The following ATXN1 variants were observed in gnomAD, a reference collection of about 807,000 sequenced individuals.
ATXN1 encodes ataxin 1, also known as ataxin-1.
In ATXN1, 8 loss-of-function variants were observed where a neutral mutation model predicts 56.4. The observed-to-expected ratio is 0.14, with a 90% CI of 0.08 to 0.26. The LOEUF is 0.26. Among genes scored for constraint, ATXN1 ranks in the 10% least tolerant of loss-of-function variants. ATXN1 has a pLI of 1.00. For synonymous variants in ATXN1, 514 were observed against 494.6 expected (o/e 1.04, Z -0.52); for missense variants, 987 against 1,106.5 (o/e 0.89, Z 1.53).
intron 6 of ATXN1, among the ~76,000 whole-genome samples, chr6:16,445,480 C>T (rs1031513834): frequency 1.3e-5 from 2 of 151,830 alleles, no homozygotes; most frequent in Non-Finnish European, 2.9e-5. Flanking sequence ...CATTTACCAC[C>T]TCTCTGCTTT....
chr6:16,626,325 G>A (rs1277773602), intron 3 of ATXN1, among the ~76,000 whole-genome samples: 1 of 151,982 alleles, frequency 6.6e-6, no homozygotes, highest in East Asian at 1.9e-4. Context: ...TTCCTCTGTT[G>A]CCCAGGCTGG....
At chr6:16,744,269 G>C (rs648411) in intron 2 of ATXN1, among the ~76,000 whole-genome samples, 84,118 of 151,968 alleles carry the variant, frequency 0.55, 23,488 homozygotes, top group African/African-American at 0.61. Context: ...CAACAGGAAA[G>C]GAATCAGGGT....
intron 6 of ATXN1, among the ~76,000 whole-genome samples, chr6:16,407,239 C>T (rs1474225290): frequency 6.6e-6 from 1 of 152,188 alleles, no homozygotes; most frequent in East Asian, 1.9e-4. Context: ...ATCTTAAAGT[C>T]TTAACTTCAT....
intron 2 of ATXN1, among the ~76,000 whole-genome samples, chr6:16,716,402 T>G (rs536807889): frequency 6.6e-6 from 1 of 152,334 alleles, no homozygotes; most frequent in African/African-American, 2.4e-5. Context: ...ACCAGAAAAC[T>G]CACAACGTCC....
chr6:16,505,986 T>G (rs1760976324), intron 5 of ATXN1, among the ~76,000 whole-genome samples: 1 of 152,184 alleles, frequency 6.6e-6, no homozygotes, highest in Admixed American at 6.5e-5. Flanking sequence ...ATCCTCTTTT[T>G]GTGATTCTCC....
At chr6:16,392,027 A>C (rs989044437) in intron 6 of ATXN1, among the ~76,000 whole-genome samples, 2 of 152,230 alleles carry the variant, frequency 1.3e-5, no homozygotes, top group Admixed American at 1.3e-4. Flanking sequence ...ACCAGGAGGC[A>C]GAGAAACAGA....
At chr6:16,361,486 A>T (rs1001518330) in intron 6 of ATXN1, among the ~76,000 whole-genome samples, 1 of 152,210 alleles carries the variant, frequency 6.6e-6, no homozygotes. Flanking sequence ...TTGAGGAAAT[A>T]TCTGATGGAT....
At chr6:16,728,078 T>C (rs1759888689) in intron 2 of ATXN1, among the ~76,000 whole-genome samples, 1 of 152,206 alleles carries the variant, frequency 6.6e-6, no homozygotes, top group Admixed American at 6.5e-5. Context: ...TGGAGCATGC[T>C]GAGTTTATCA....
At chr6:16,382,215 G>C (rs551835408) in intron 6 of ATXN1, among the ~76,000 whole-genome samples, 3 of 151,822 alleles carry the variant, frequency 2.0e-5, no homozygotes, top group Non-Finnish European at 4.4e-5. Context: ...CAGGAGAATG[G>C]TGTGAACCTG....
At chr6:16,652,282 G>A (rs903344500) in intron 3 of ATXN1, among the ~76,000 whole-genome samples, 1 of 152,186 alleles carries the variant, frequency 6.6e-6, no homozygotes, top group African/African-American at 2.4e-5. Context: ...GGGGGTACTG[G>A]ACTGGCGCTT....
At chr6:16,572,466 C>T (rs892555121) in intron 4 of ATXN1, among the ~76,000 whole-genome samples, 4 of 152,168 alleles carry the variant, frequency 2.6e-5, no homozygotes, top group African/African-American at 9.7e-5. Flanking sequence ...ACCGCAAGGC[C>T]ATACCTCCCC....
At chr6:16,378,179 C>T (rs183711756) in intron 6 of ATXN1, among the ~76,000 whole-genome samples, 58 of 152,322 alleles carry the variant, frequency 3.8e-4, no homozygotes, top group Non-Finnish European at 6.6e-4. Context: ...AATTCTTGCA[C>T]GTGCCTTACT....
intron 2 of ATXN1, among the ~76,000 whole-genome samples, chr6:16,696,299 G>GGACAAGGAC (rs1423523578): frequency 6.6e-6 from 1 of 152,200 alleles, no homozygotes; most frequent in Non-Finnish European, 1.5e-5. Flanking sequence ...AAGACAAGTA[G>GGACAAGGAC]ATAGGACAGA....
At chr6:16,411,125 C>CAAAAAAAAAAA (rs746717153) in intron 6 of ATXN1, among the ~76,000 whole-genome samples, 12 of 80,606 alleles carry the variant, frequency 1.5e-4, no homozygotes, top group East Asian at 5.1e-4. Context: ...ACCTCTGTGT[C>CAAAAAAAAAAA]AAAAAAAAAA....
chr6:16,569,647 G>A (rs236953), intron 4 of ATXN1, among the ~76,000 whole-genome samples: 4,028 of 152,106 alleles, frequency 0.026, 155 homozygotes, highest in African/African-American at 0.091. Flanking sequence ...GTGGGGCTGG[G>A]ATGGGAGTAA....
intron 6 of ATXN1, among the ~76,000 whole-genome samples, chr6:16,427,769 A>G (rs1759188081): frequency 6.6e-6 from 1 of 152,246 alleles, no homozygotes; most frequent in Non-Finnish European, 1.5e-5. Context: ...ACACAGGCAC[A>G]TGCCTCATCA....
At chr6:16,548,400 C>T (rs1761853980) in intron 4 of ATXN1, among the ~76,000 whole-genome samples, 1 of 152,104 alleles carries the variant, frequency 6.6e-6, no homozygotes, top group Non-Finnish European at 1.5e-5. Context: ...ACTTAGGCTG[C>T]ACCAAATTTA....
intron 2 of ATXN1, among the ~76,000 whole-genome samples, chr6:16,708,857 C>T (rs143114756): frequency 0.044 from 6,739 of 152,086 alleles, 499 homozygotes; most frequent in African/African-American, 0.15. Flanking sequence ...GAAACCCTGT[C>T]TCTACTAAAA....
At chr6:16,537,422 T>C (rs1280308105) in intron 4 of ATXN1, among the ~76,000 whole-genome samples, 1 of 151,926 alleles carries the variant, frequency 6.6e-6, no homozygotes, top group South Asian at 2.1e-4. Context: ...TGGGATGTTC[T>C]GGCCGGGCGC....
Sources: allele counts gnomAD v4.1 joint callset (sites outside exome capture counted in the v4.1 genomes callset), GRCh38; gene constraint gnomAD v4.1.1; transcripts MANE v1.5; gene names NCBI Gene and HGNC (gene_info 2026-07-23, HGNC 2026-07-21).